Variants in GLRA2 observed in about 807,000 individuals in gnomAD.
GLRA2 encodes glycine receptor subunit alpha-2.
In GLRA2, 11 loss-of-function variants were observed where a neutral mutation model predicts 31.6. The observed-to-expected ratio is 0.35, with a 90% CI of 0.22 to 0.58. The LOEUF (loss-of-function observed/expected upper bound fraction) is 0.58, where lower values mean the gene tolerates loss of function less well. Ranked by LOEUF, GLRA2 falls within the 20% of genes least tolerant of loss-of-function variation. The pLI, the probability that GLRA2 is intolerant of heterozygous loss-of-function variation, is 0.84. For synonymous variants in GLRA2, 132 were observed against 134.0 expected (o/e 0.99, Z 0.10); for missense variants, 212 against 351.8 (o/e 0.60, Z 3.18).
At chrX:14,467,638 G>A in the GLRA2 span, among the ~76,000 whole-genome samples, 1 of 111,780 alleles carries the variant, frequency 8.9e-6, no homozygotes, top group Admixed American at 9.5e-5. Flanking sequence ...GTAAGGTGAT[G>A]TTATAGGCCT....
At chrX:14,466,810 A>G in the GLRA2 span, among the ~76,000 whole-genome samples, 2 of 112,207 alleles carry the variant, frequency 1.8e-5, no homozygotes, top group East Asian at 5.6e-4. Flanking sequence ...CCCTCTTCCC[A>G]TTAGTCCCAG....
chrX:14,606,015 AT>A (rs149225437), intron 5 of GLRA2, among the ~76,000 whole-genome samples: 30,866 of 100,774 alleles, frequency 0.31, 3,658 homozygotes, highest in African/African-American at 0.36. Flanking sequence ...TGTTCTTATT[AT>A]TTTTTTTTTT....
intron 7 of GLRA2, among the ~76,000 whole-genome samples, chrX:14,638,430 A>G (rs1398893236): frequency 1.8e-5 from 2 of 111,849 alleles, no homozygotes; most frequent in Non-Finnish European, 3.8e-5. Context: ...TCATTCAAAT[A>G]AACATGTGGC....
chrX:14,483,842 C>A, the GLRA2 span, among the ~76,000 whole-genome samples: 1 of 111,552 alleles, frequency 9.0e-6, no homozygotes, highest in Non-Finnish European at 1.9e-5. Context: ...GCAGACCCAC[C>A]TTTAATCTGG....
chrX:14,614,142 T>C (rs2090430717), intron 7 of GLRA2, among the ~76,000 whole-genome samples: 1 of 111,426 alleles, frequency 9.0e-6, no homozygotes, highest in African/African-American at 3.3e-5. Context: ...GTTCCTCCCC[T>C]GTATTTCCAA....
chrX:14,624,085 T>C (rs2090557105), intron 7 of GLRA2, among the ~76,000 whole-genome samples: 1 of 111,707 alleles, frequency 9.0e-6, no homozygotes, highest in Admixed American at 9.5e-5. Context: ...AGGGTGTATG[T>C]ATGTGTTGAG....
chrX:14,690,653 C>A, intron 7 of GLRA2, 57 bp from the exon 8 acceptor site: 1 of 870,741 alleles, frequency 1.1e-6, no homozygotes, highest in Non-Finnish European at 1.7e-6. Flanking sequence ...CTTTCATAGT[C>A]TTTCTTTCTC....
chrX:14,681,860 C>A (rs1357590591), intron 7 of GLRA2, among the ~76,000 whole-genome samples: 2 of 78,359 alleles, frequency 2.6e-5, no homozygotes, highest in Non-Finnish European at 5.0e-5. Context: ...CCACTGCACT[C>A]CAGCCTGGGC....
At chrX:14,563,413 G>A (rs144755614) in intron 2 of GLRA2, among the ~76,000 whole-genome samples, 107 of 112,253 alleles carry the variant, frequency 9.5e-4, no homozygotes, top group African/African-American at 3.3e-3. Flanking sequence ...TACAGTCTTC[G>A]CAGAAATAGT....
the GLRA2 span, among the ~76,000 whole-genome samples, chrX:14,508,675 AT>A: frequency 8.9e-6 from 1 of 111,924 alleles, no homozygotes; most frequent in Non-Finnish European, 1.9e-5. Context: ...TATTACTTCC[AT>A]TTTTAATACA....
At chrX:14,587,226 T>C (rs1169851872) in intron 4 of GLRA2, among the ~76,000 whole-genome samples, 2 of 112,592 alleles carry the variant, frequency 1.8e-5, no homozygotes, top group Non-Finnish European at 3.8e-5. Flanking sequence ...GTTCCATGTC[T>C]GCTATTGTGG....
intron 4 of GLRA2, among the ~76,000 whole-genome samples, chrX:14,597,651 G>A (rs2090221830): frequency 9.0e-6 from 1 of 111,578 alleles, no homozygotes; most frequent in Admixed American, 9.5e-5. Flanking sequence ...AGGCAACTAA[G>A]GTGTCTATGA....
chrX:14,641,868 G>A (rs966188728), intron 7 of GLRA2, among the ~76,000 whole-genome samples: 3 of 111,995 alleles, frequency 2.7e-5, no homozygotes, highest in African/African-American at 9.7e-5. Context: ...GGTCCATCTG[G>A]CTTTTCAGAC....
chrX:14,611,640 A>C (rs1035325767), intron 7 of GLRA2, among the ~76,000 whole-genome samples: 2 of 112,318 alleles, frequency 1.8e-5, no homozygotes, highest in East Asian at 5.6e-4. Context: ...AATGAGAAAA[A>C]AGAAGGTACT....
intron 8 of GLRA2, among the ~76,000 whole-genome samples, chrX:14,714,149 G>A (rs2147240657): frequency 9.0e-6 from 1 of 110,602 alleles, no homozygotes; most frequent in South Asian, 3.9e-4. Context: ...ATATTGCATA[G>A]CCCCACATAG....
chrX:14,517,272 TTACTC>T, the GLRA2 span, among the ~76,000 whole-genome samples: 3 of 112,376 alleles, frequency 2.7e-5, no homozygotes, highest in Non-Finnish European at 5.6e-5. Flanking sequence ...GAGATACTAT[TTACTC>T]TAGGTATTAA....
intron 7 of GLRA2, among the ~76,000 whole-genome samples, chrX:14,611,806 A>T (rs2090400789): frequency 8.9e-6 from 1 of 111,799 alleles, no homozygotes. Context: ...TTCTCATCGA[A>T]TGGATAAATT....
chrX:14,558,265 A>G (rs1482307875), intron 2 of GLRA2, among the ~76,000 whole-genome samples: 1 of 112,287 alleles, frequency 8.9e-6, no homozygotes, highest in Non-Finnish European at 1.9e-5. Flanking sequence ...ACTACGATCT[A>G]TTAAGGAACC....
At chrX:14,514,789 T>C in the GLRA2 span, among the ~76,000 whole-genome samples, 1 of 111,549 alleles carries the variant, frequency 9.0e-6, no homozygotes, top group Non-Finnish European at 1.9e-5. Flanking sequence ...TGTCTTCATC[T>C]TCCTTGGTTT....
Sources: allele counts gnomAD v4.1 joint callset (sites outside exome capture counted in the v4.1 genomes callset), GRCh38; gene constraint gnomAD v4.1.1; transcripts MANE v1.5; gene names NCBI Gene and HGNC (gene_info 2026-07-23, HGNC 2026-07-21).